Variants in LRP5 observed in about 807,000 individuals in gnomAD.
The protein encoded by LRP5 is LDL receptor related protein 5, also known as low-density lipoprotein receptor-related protein 5.
In LRP5, 62 loss-of-function variants were observed where a neutral mutation model predicts 154.1. That is an observed-to-expected ratio of 0.40 (90% CI 0.33 to 0.50). LRP5 has a LOEUF of 0.50. Among genes scored for constraint, LRP5 ranks in the 20% least tolerant of loss-of-function variants. The pLI is 0.55. For missense variants in LRP5, 1,915 were observed against 2,336.7 expected, an observed-to-expected ratio of 0.82 and a Z score of 3.72; for synonymous variants, 966 against 1,011.5, an observed-to-expected ratio of 0.96 and a Z score of 0.85.
intron 5 of LRP5, among the ~76,000 whole-genome samples, chr11:68,381,882 C>CTGG (rs1214384183): frequency 6.6e-6 from 1 of 152,226 alleles, no homozygotes; most frequent in Non-Finnish European, 1.5e-5. Context: ...ACAGAACCTC[C>CTGG]TGGAGGCCAG....
chr11:68,301,023 G>A, the LRP5 span, among the ~76,000 whole-genome samples: 1 of 147,646 alleles, frequency 6.8e-6, no homozygotes. Context: ...TCTGCCTCTC[G>A]GGTTCAAGCA....
chr11:68,392,802 G>C (rs2098647093), intron 7 of LRP5, among the ~76,000 whole-genome samples: 1 of 152,084 alleles, frequency 6.6e-6, no homozygotes. Context: ...GTGTTTTCCA[G>C]ATTCACCCAC....
intron 9 of LRP5, among the ~76,000 whole-genome samples, chr11:68,407,495 A>G (rs2098656409): frequency 6.6e-6 from 1 of 151,142 alleles, no homozygotes. Context: ...TGCCTTCTAA[A>G]GAAGAGTTTA....
intron 5 of LRP5, among the ~76,000 whole-genome samples, chr11:68,379,436 C>T (rs1406946016): frequency 6.6e-6 from 1 of 152,128 alleles, no homozygotes. Flanking sequence ...GGCTGCTGAC[C>T]AGGAAGCCTG....
chr11:68,404,082 C>A, intron 8 of LRP5: 1 of 433,928 alleles, frequency 2.3e-6, no homozygotes, highest in South Asian at 2.1e-5. Context: ...TCAGGACTCC[C>A]TCCTGGGTCT....
rs182982732 is a variant in LRP5, at chr11:68,358,017, C to G, written c.686+170C>G. Among the ~76,000 whole-genome samples the G allele has an allele frequency of 1.4e-3, 212 of 152,316 alleles. 4 individuals carry two copies. Among genetic ancestry groups the G allele is most frequent in the Admixed American group, 0.012 (190 of 15,304 alleles). ...GCGTCAGGGTCTGTGTGGCATTTGCCACCAGCCCTTGAATATTTCTATAGC... is the reference window on the plus strand; with the variant it reads ...GCGTCAGGGTCTGTGTGGCATTTGCGACCAGCCCTTGAATATTTCTATAGC... On this transcript the variant is annotated intron_variant, in intron 3 of 22. Coordinates refer to ENST00000294304, the MANE Select transcript of LRP5 (RefSeq NM_002335.4).
chr11:68,375,265 G>A (rs2098636717), intron 5 of LRP5, among the ~76,000 whole-genome samples: 1 of 152,140 alleles, frequency 6.6e-6, no homozygotes, highest in Non-Finnish European at 1.5e-5. Context: ...TAGAAGACAC[G>A]GCCCCTGGGC....
upstream of LRP5, among the ~76,000 whole-genome samples, chr11:68,308,923 ATTTTTTTTTT>A (rs34529621): frequency 4.0e-5 from 3 of 74,482 alleles, no homozygotes; most frequent in Non-Finnish European, 7.1e-5. Flanking sequence ...TAATCAGCTA[ATTTTTTTTTT>A]TTTTTTTTTT....
At chr11:68,402,288 T>C (rs548678721) in intron 7 of LRP5, among the ~76,000 whole-genome samples, 2 of 152,304 alleles carry the variant, frequency 1.3e-5, no homozygotes, top group Admixed American at 1.3e-4. Context: ...ACGTCCTATC[T>C]CACGCGGCTG....
rs2098681444 is a variant in LRP5, at chr11:68,446,453, C to G, written c.4506C>G (p.Pro1502=). ...CTCCTCAGATCCTGAACCCGCCGCC[C>G]TCCCCGGCCACGGACCCCTCCCTGT... is the stretch of plus-strand genomic sequence containing the variant. ...TLYPPILNPP[P]SPATDPSLYN... Residue 1502 remains proline (P), a synonymous_variant, in exon 22 of 23, where the codon CCC becomes CCG. Transcript: ENST00000294304. The G allele has an allele frequency of 1.9e-6, 3 of 1,613,712 alleles. No individual in the cohort carries two copies. Among genetic ancestry groups the G allele is most frequent in the Non-Finnish European group, 2.5e-6 (3 of 1,179,742 alleles).
chr11:68,410,694 G>A (rs1242409740), intron 10 of LRP5, among the ~76,000 whole-genome samples: 2 of 152,204 alleles, frequency 1.3e-5, no homozygotes, highest in African/African-American at 4.8e-5. Context: ...AGGCGTCCTG[G>A]GGGCCCTGCC....
At chr11:68,448,012 A>C (rs148019052) in intron 22 of LRP5, among the ~76,000 whole-genome samples, 1 of 152,320 alleles carries the variant, frequency 6.6e-6, no homozygotes, top group East Asian at 1.9e-4. Context: ...GGGTAATTGT[A>C]AAGGAAAGAG....
intron 1 of LRP5, among the ~76,000 whole-genome samples, chr11:68,341,421 C>T (rs1210651525): frequency 3.3e-5 from 5 of 152,080 alleles, no homozygotes; most frequent in Admixed American, 6.5e-5. Context: ...CCCTCATCGC[C>T]CCAGGTCTGT....
Position 68,436,635 on chromosome 11 carries a change from CACAT to C in LRP5, c.4001-251_4001-248del, listed in dbSNP as rs757103400. On this transcript the variant is annotated intron_variant, in intron 18 of 22. Coordinates refer to ENST00000294304, the MANE Select transcript of LRP5 (RefSeq NM_002335.4). ...AGACCTCCCCACAGTAGGCACCTGA[CACAT>C]ACCTCCTGGGGGGCAGGCAGGAGGT... 2.0e-5 allele frequency among the ~76,000 whole-genome samples: 3 copies of C among 152,264 alleles called. No homozygotes were observed. The South Asian group carries it at 6.2e-4, about 32-fold the overall frequency.
chr11:68,420,618 C>T (rs1201020938), intron 13 of LRP5, among the ~76,000 whole-genome samples: 2 of 151,214 alleles, frequency 1.3e-5, no homozygotes, highest in Non-Finnish European at 1.5e-5. Context: ...GCAGGAGAAT[C>T]GCTTGTACCC....
chr11:68,351,908 C>T (rs957455900), intron 2 of LRP5, among the ~76,000 whole-genome samples: 8 of 151,970 alleles, frequency 5.3e-5, no homozygotes, highest in Admixed American at 1.3e-4. Flanking sequence ...GGGGGCAGCG[C>T]GGTCCAGGCA....
chr11:68,301,692 G>C, the LRP5 span, among the ~76,000 whole-genome samples: 1 of 142,898 alleles, frequency 7.0e-6, no homozygotes, highest in Non-Finnish European at 1.6e-5. Flanking sequence ...GTGTGATCTC[G>C]GCTCACTGCA....
intron 13 of LRP5, among the ~76,000 whole-genome samples, chr11:68,416,910 T>C (rs2098662858): frequency 6.6e-6 from 1 of 152,204 alleles, no homozygotes; most frequent in Non-Finnish European, 1.5e-5. Flanking sequence ...TATGCTCTTC[T>C]GAAAGACACC....
chr11:68,375,835 G>C (rs1388141717), intron 5 of LRP5, among the ~76,000 whole-genome samples: 1 of 152,248 alleles, frequency 6.6e-6, no homozygotes, highest in Non-Finnish European at 1.5e-5. Context: ...TCAGCCCTCT[G>C]CTGTGTGGCT....
Sources: gnomAD v4.1 joint callset for allele counts (sites outside exome capture counted in the v4.1 genomes callset) on GRCh38, gnomAD v4.1.1 for gene constraint, MANE v1.5 for transcripts, NCBI Gene and HGNC (gene_info 2026-07-23, HGNC 2026-07-21) for gene names.